The following SPATA13 variants were observed in gnomAD, a reference collection of about 807,000 sequenced individuals.
SPATA13 encodes the protein spermatogenesis-associated protein 13.
In SPATA13, 50 loss-of-function variants were observed where a neutral mutation model predicts 104.0. That is an observed-to-expected ratio of 0.48 (90% CI 0.38 to 0.61). The LOEUF is 0.61. Ranked by LOEUF, SPATA13 falls within the 20% of genes least tolerant of loss-of-function variation. The pLI, the probability that SPATA13 is intolerant of heterozygous loss-of-function variation, is 0.00. For missense variants in SPATA13, 1,524 were observed against 1,690.6 expected (o/e 0.90, Z 1.73); for synonymous variants, 606 against 667.5 (o/e 0.91, Z 1.42).
chr13:24,086,142 T>C lies in SPATA13; in HGVS notation c.-112+68441T>C, dbSNP rs188159194. On this transcript the variant is annotated intron_variant, in intron 3 of 14. Coordinates refer to the SPATA13 transcript ENST00000424834. ...TGCCACCCGGTGAGTTTGACTTTCC[T>C]TATGAAGGCAAGACATAGCACCATC... 4.6e-3 allele frequency among the ~76,000 whole-genome samples: 705 copies of C among 152,306 alleles called. 5 individuals carry two copies. The highest frequency in any genetic ancestry group is 0.024 in the Middle Eastern group (7 of 294).
chr13:24,053,214 G>A (rs1232358358), intron 3 of SPATA13, among the ~76,000 whole-genome samples: 2 of 152,136 alleles, frequency 1.3e-5, no homozygotes, highest in African/African-American at 4.8e-5. Flanking sequence ...ATTCAGGAAA[G>A]GTCTTGCAGG....
intron 1 of SPATA13, among the ~76,000 whole-genome samples, chr13:24,210,750 C>G (rs9507285): frequency 0.29 from 36,323 of 125,098 alleles, 5,599 homozygotes; most frequent in Non-Finnish European, 0.38. Flanking sequence ...TTTTATGGTT[C>G]TATATGAATT....
At chr13:24,098,958 C>T (rs1348528219) in intron 3 of SPATA13, among the ~76,000 whole-genome samples, 2 of 151,700 alleles carry the variant, frequency 1.3e-5, no homozygotes, top group Admixed American at 6.6e-5. Flanking sequence ...AAGAATTAGC[C>T]AAGCGTAATG....
At chr13:24,199,863 T>C (rs1387386309) in intron 1 of SPATA13, among the ~76,000 whole-genome samples, 1 of 152,238 alleles carries the variant, frequency 6.6e-6, no homozygotes, top group African/African-American at 2.4e-5. Flanking sequence ...ATCCAATTTT[T>C]TAAAACCTTA....
chr13:24,152,229 G>C (rs1403805691), intron 3 of SPATA13, among the ~76,000 whole-genome samples: 1 of 152,206 alleles, frequency 6.6e-6, no homozygotes, highest in Non-Finnish European at 1.5e-5. Flanking sequence ...ATAATGCCTT[G>C]TATGTGCCCT....
chr13:24,300,164 C>T (rs1161654330), intron 11 of SPATA13, among the ~76,000 whole-genome samples: 1 of 152,172 alleles, frequency 6.6e-6, no homozygotes, highest in Admixed American at 6.5e-5. Context: ...ATGAGCACCA[C>T]CCCATTTCAC....
chr13:24,132,009 G>C (rs1303442402), intron 3 of SPATA13, among the ~76,000 whole-genome samples: 1 of 152,200 alleles, frequency 6.6e-6, no homozygotes, highest in Non-Finnish European at 1.5e-5. Context: ...TGTGACCAAG[G>C]TCAGCCAATG....
intron 3 of SPATA13, among the ~76,000 whole-genome samples, chr13:24,115,501 C>A (rs1002005472): frequency 6.6e-6 from 1 of 152,192 alleles, no homozygotes; most frequent in African/African-American, 2.4e-5. Flanking sequence ...ATGTACGTTG[C>A]GTGCTCCTTA....
intron 2 of SPATA13, among the ~76,000 whole-genome samples, chr13:24,227,615 G>T (rs1872018641): frequency 6.6e-6 from 1 of 152,020 alleles, no homozygotes; most frequent in African/African-American, 2.4e-5. Context: ...CAGTTACCCA[G>T]GCTGGAATGC....
chr13:24,237,967 A>T (rs1441903719), intron 2 of SPATA13, among the ~76,000 whole-genome samples: 1 of 147,850 alleles, frequency 6.8e-6, no homozygotes, highest in East Asian at 1.9e-4. Context: ...TACATGTTTA[A>T]ATATGCAATA....
At chr13:24,143,503 C>G (rs1241994345) in intron 3 of SPATA13, among the ~76,000 whole-genome samples, 1 of 152,212 alleles carries the variant, frequency 6.6e-6, no homozygotes, top group Non-Finnish European at 1.5e-5. Flanking sequence ...ATAGTTACTT[C>G]TATTTTTGCA....
At chr13:24,239,693 T>TG (rs1280564999) in intron 2 of SPATA13, among the ~76,000 whole-genome samples, 5 of 46,942 alleles carry the variant, frequency 1.1e-4, no homozygotes, top group Non-Finnish European at 1.9e-4. Context: ...AGACCATATC[T>TG]AAAAAAAAAA....
chr13:24,176,058 G>A (rs921252702), intron 1 of SPATA13, among the ~76,000 whole-genome samples: 18 of 152,304 alleles, frequency 1.2e-4, no homozygotes, highest in African/African-American at 3.8e-4. Flanking sequence ...TGGAGCAGGC[G>A]TGGGGGATCT....
At chr13:24,017,701 G>A (rs1198524425) in exon 3 of SPATA13, 8 of 985,198 alleles carry the variant, frequency 8.1e-6, no homozygotes, top group East Asian at 1.1e-4. Context: ...GCAGAAACTC[G>A]GTAAGAAGGG....
At chr13:23,999,192 G>T (rs1339072437) in intron 2 of SPATA13, among the ~76,000 whole-genome samples, 3 of 151,980 alleles carry the variant, frequency 2.0e-5, no homozygotes, top group African/African-American at 4.8e-5. Flanking sequence ...CTCCCAAAGT[G>T]CTGGGATTAC....
chr13:24,254,302 T>C (rs1873668916), intron 4 of SPATA13: 1 of 152,174 alleles, frequency 6.6e-6, no homozygotes, highest in African/African-American at 2.4e-5. Flanking sequence ...AAGTATATTA[T>C]TAAGTAATCC....
chr13:24,291,673 C>G (rs17080600), intron 9 of SPATA13, among the ~76,000 whole-genome samples: 4,116 of 152,316 alleles, frequency 0.027, 81 homozygotes, highest in Non-Finnish European at 0.041. Flanking sequence ...GTTACTCACA[C>G]TTCTGTTGTT....
At chr13:24,251,005 G>A (rs1232670066) in intron 3 of SPATA13, among the ~76,000 whole-genome samples, 1 of 152,174 alleles carries the variant, frequency 6.6e-6, no homozygotes, top group Non-Finnish European at 1.5e-5. Flanking sequence ...AGCAGGATAT[G>A]CATGTAATAA....
intron 8 of SPATA13, 129 bp from the exon 9 acceptor site, chr13:24,290,523 G>C (rs1876268968): frequency 1.4e-5 from 10 of 728,938 alleles, no homozygotes; most frequent in Non-Finnish European, 2.4e-5. Context: ...TTCATGCCCT[G>C]TCCTTCTTGC....
Sources: gnomAD v4.1 joint callset for allele counts (sites outside exome capture counted in the v4.1 genomes callset) on GRCh38, gnomAD v4.1.1 for gene constraint, MANE v1.5 for transcripts, NCBI Gene and HGNC (gene_info 2026-07-23, HGNC 2026-07-21) for gene names.